AOPEP: variants seen among roughly 807,000 people sequenced by gnomAD.
The protein encoded by AOPEP is aminopeptidase O (putative), also known as aminopeptidase O.
A neutral mutation model predicts 98.1 loss-of-function variants in AOPEP; 77 were observed. The ratio of observed to expected loss-of-function variants is 0.78; its 90% CI spans 0.65 to 0.95. The LOEUF is 0.95. AOPEP is among the 40% of genes least tolerant of loss of function. The pLI, the probability that AOPEP is intolerant of heterozygous loss-of-function variation, is 0.00. For synonymous variants in AOPEP, 346 were observed against 365.3 expected (o/e 0.95, Z 0.60); for missense variants, 1,024 against 1,024.7 (o/e 1.00, Z 0.01).
At chr9:95,073,412 G>T (rs1403849523) in intron 14 of AOPEP, among the ~76,000 whole-genome samples, 1 of 151,930 alleles carries the variant, frequency 6.6e-6, no homozygotes, top group African/African-American at 2.4e-5. Context: ...AGACACAGTG[G>T]GTTATGAAAT....
downstream of AOPEP, among the ~76,000 whole-genome samples, chr9:95,088,778 T>A (rs1384904274): frequency 6.6e-6 from 1 of 152,228 alleles, no homozygotes; most frequent in Non-Finnish European, 1.5e-5. Context: ...TAGGTGGGGT[T>A]CTGCACAAAG....
the AOPEP span, chr9:95,114,380 A>C: frequency 1.8e-6 from 1 of 544,348 alleles, no homozygotes; most frequent in South Asian, 1.9e-5. Flanking sequence ...ACCAGACGTT[A>C]ATGTAGAAAA....
intron 5 of AOPEP, among the ~76,000 whole-genome samples, chr9:94,861,239 A>G (rs1279968204): frequency 1.3e-5 from 2 of 152,214 alleles, no homozygotes; most frequent in Non-Finnish European, 2.9e-5. Flanking sequence ...TGAGGGCAGC[A>G]GCAGCAGCTG....
At chr9:94,870,462 C>G (rs2046221985) in intron 5 of AOPEP, among the ~76,000 whole-genome samples, 1 of 152,128 alleles carries the variant, frequency 6.6e-6, no homozygotes, top group Non-Finnish European at 1.5e-5. Context: ...CACAACAACC[C>G]CAAATGATAG....
At chr9:95,028,427 C>T (rs571884562) in intron 13 of AOPEP, among the ~76,000 whole-genome samples, 1 of 152,338 alleles carries the variant, frequency 6.6e-6, no homozygotes, top group Admixed American at 6.5e-5. Flanking sequence ...AATTACGTCA[C>T]TACCCACACA....
intron 3 of AOPEP, among the ~76,000 whole-genome samples, chr9:94,784,444 T>G (rs1339312658): frequency 1.3e-5 from 2 of 152,332 alleles, no homozygotes; most frequent in East Asian, 3.9e-4. Context: ...TGACTACTCC[T>G]TCATGTTCTT....
At chr9:95,112,523 C>G in the AOPEP span, among the ~76,000 whole-genome samples, 369 of 152,330 alleles carry the variant, frequency 2.4e-3, no homozygotes, top group African/African-American at 8.6e-3. Context: ...AGACATGTCC[C>G]TCTTTCCCAG....
At chr9:94,899,761 A>T (rs2050143383) in intron 5 of AOPEP, among the ~76,000 whole-genome samples, 1 of 152,100 alleles carries the variant, frequency 6.6e-6, no homozygotes, top group Admixed American at 6.5e-5. Context: ...AAAAAAACAA[A>T]CAAAAACAAA....
At chr9:95,029,774 T>C (rs2064140276) in intron 13 of AOPEP, among the ~76,000 whole-genome samples, 1 of 152,202 alleles carries the variant, frequency 6.6e-6, no homozygotes, top group Non-Finnish European at 1.5e-5. Flanking sequence ...TCAATTTAAT[T>C]TATAATAACC....
At chr9:95,049,220 T>G (rs771312892) in intron 13 of AOPEP, among the ~76,000 whole-genome samples, 1 of 152,228 alleles carries the variant, frequency 6.6e-6, no homozygotes, top group Non-Finnish European at 1.5e-5. Flanking sequence ...TTCAAGCTGG[T>G]TTGTTTTAAA....
Position 95,082,619 on chromosome 9 carries a change from C to T in AOPEP, c.2364C>T (p.Asp788=), listed in dbSNP as rs371595511. The T allele has an allele frequency of 2.0e-5, 33 of 1,614,070 alleles. No individual in the cohort carries two copies. The highest frequency in any genetic ancestry group is 1.6e-4 in the Middle Eastern group (1 of 6,084). ...YLYGELMVSE[D]ARQQQLARRC... is the part of the protein sequence containing the mutation. ...ACGGGGAGCTGATGGTGAGTGAGGACGCCAGACAGCAGCAGCTCGCCCGTA... is the reference window on the plus strand; with the variant it reads ...ACGGGGAGCTGATGGTGAGTGAGGATGCCAGACAGCAGCAGCTCGCCCGTA... The change falls in exon 16 of 17, where the codon GAC becomes GAT. Residue 788 remains aspartate, a synonymous_variant. Transcript: ENST00000375315.
chr9:95,102,480 T>C, the AOPEP span, among the ~76,000 whole-genome samples: 6 of 152,326 alleles, frequency 3.9e-5, no homozygotes, highest in African/African-American at 1.4e-4. Flanking sequence ...TCTTACAATT[T>C]AGCTGTGTGG....
chr9:95,045,164 G>A (rs1447891801), intron 13 of AOPEP, among the ~76,000 whole-genome samples: 1 of 152,236 alleles, frequency 6.6e-6, no homozygotes, highest in Non-Finnish European at 1.5e-5. Context: ...TTACTCTCCA[G>A]CCAACGGCGC....
Position 95,032,584 on chromosome 9 carries a change from G to A in AOPEP, c.2115+26968G>A, listed in dbSNP as rs78891825. 2.9e-3 allele frequency among the ~76,000 whole-genome samples: 443 copies of A among 152,344 alleles called. 11 individuals are homozygous for A. The South Asian group carries it at 0.041, about 14-fold the overall frequency. On this transcript the variant is annotated intron_variant, in intron 13 of 16. Coordinates refer to ENST00000375315, the MANE Select transcript of AOPEP (RefSeq NM_001193329.3). ...ACCTTGGGTGTACAGTGGGCTAGTT[G>A]GAGAATGTTTTCTTGAGGAGCTGAT...
chr9:94,791,426 A>G (rs1350667327), intron 3 of AOPEP, among the ~76,000 whole-genome samples: 5 of 151,862 alleles, frequency 3.3e-5, no homozygotes, highest in African/African-American at 1.2e-4. Context: ...CCAGCACTTC[A>G]GGAGGCCAAG....
At chr9:94,916,781 T>C (rs993711758) in intron 5 of AOPEP, among the ~76,000 whole-genome samples, 2 of 151,976 alleles carry the variant, frequency 1.3e-5, no homozygotes, top group African/African-American at 4.8e-5. Context: ...ATTGTGTGGG[T>C]ATGGGTGTGT....
intron 2 of AOPEP, among the ~76,000 whole-genome samples, chr9:94,768,010 G>A (rs1840006804): frequency 1.3e-5 from 2 of 152,208 alleles, no homozygotes; most frequent in African/African-American, 4.8e-5. Flanking sequence ...GGTTGCTCAC[G>A]TATAATGGAG....
chr9:94,911,642 A>AT (rs1350773638), intron 5 of AOPEP, among the ~76,000 whole-genome samples: 2 of 152,220 alleles, frequency 1.3e-5, no homozygotes, highest in Non-Finnish European at 2.9e-5. Context: ...GGCAAAAGAA[A>AT]TTTTTTAAAA....
intron 11 of AOPEP, among the ~76,000 whole-genome samples, chr9:94,999,053 T>C (rs1356535577): frequency 6.6e-6 from 1 of 152,140 alleles, no homozygotes. Context: ...ACTTTACTTC[T>C]AAACGTTGTT....
Sources: allele counts gnomAD v4.1 joint callset (sites outside exome capture counted in the v4.1 genomes callset), GRCh38; gene constraint gnomAD v4.1.1; transcripts MANE v1.5; gene names NCBI Gene and HGNC (gene_info 2026-07-23, HGNC 2026-07-21).